Variants in ARHGAP24 observed in about 807,000 individuals in gnomAD.
The protein encoded by ARHGAP24 is rho GTPase-activating protein 24.
Under a neutral mutation model 76.4 loss-of-function variants are expected in ARHGAP24, and 50 were observed. The observed-to-expected ratio is 0.65, with a 90% CI of 0.52 to 0.83. ARHGAP24 has a LOEUF of 0.83. Ranked by LOEUF, ARHGAP24 falls within the 40% of genes least tolerant of loss-of-function variation. The pLI is 0.00. For missense variants in ARHGAP24, 930 were observed against 914.2 expected, an observed-to-expected ratio of 1.02 and a Z score of -0.22; for synonymous variants, 345 against 323.3, an observed-to-expected ratio of 1.07 and a Z score of -0.72.
At chr4:85,835,360 C>A (rs1347217429) in intron 3 of ARHGAP24, among the ~76,000 whole-genome samples, 1 of 151,590 alleles carries the variant, frequency 6.6e-6, no homozygotes, top group African/African-American at 2.4e-5. Context: ...GAGATTGAGA[C>A]CATCCTAGCT....
intron 3 of ARHGAP24, among the ~76,000 whole-genome samples, chr4:85,840,534 T>C (rs1316252528): frequency 3.3e-5 from 5 of 152,184 alleles, no homozygotes; most frequent in Middle Eastern, 3.2e-3. Flanking sequence ...CCGTATTAAT[T>C]GTTTCATATA....
intron 3 of ARHGAP24, among the ~76,000 whole-genome samples, chr4:85,745,112 C>T (rs531685015): frequency 6.6e-6 from 1 of 151,890 alleles, no homozygotes; most frequent in African/African-American, 2.4e-5. Flanking sequence ...TAAATTTGTG[C>T]CCAGGAAAAC....
chr4:85,640,400 G>T lies in ARHGAP24; in HGVS notation c.180+69679G>T, dbSNP rs148087100. ...GGTCTTCCCTATGTGGCCCCTTGTG[G>T]CATGGCATGCTCCCCATTCTGGGAT... On this transcript the variant is annotated intron_variant, in intron 2 of 9. Coordinates refer to ENST00000395184, the MANE Select transcript of ARHGAP24 (RefSeq NM_001025616.3). Among the ~76,000 whole-genome samples the T allele has an allele frequency of 2.0e-5, 3 of 152,236 alleles. No homozygotes were observed. In the East Asian group the frequency reaches 5.8e-4, roughly 29 times the overall value.
chr4:85,696,174 TA>T (rs1435338189), intron 2 of ARHGAP24, among the ~76,000 whole-genome samples: 1 of 8,424 alleles, frequency 1.2e-4, no homozygotes, highest in Non-Finnish European at 0.013. Context: ...TTTAAATTCC[TA>T]AAATTAAATT....
chr4:85,994,148 G>C (rs924378954), intron 8 of ARHGAP24, among the ~76,000 whole-genome samples: 4 of 152,076 alleles, frequency 2.6e-5, no homozygotes, highest in Non-Finnish European at 5.9e-5. Flanking sequence ...ATTATTAGAT[G>C]AGAGGTCACA....
intron 1 of ARHGAP24, among the ~76,000 whole-genome samples, chr4:85,482,622 G>A (rs1022809467): frequency 1.3e-5 from 2 of 152,128 alleles, no homozygotes; most frequent in Non-Finnish European, 2.9e-5. Flanking sequence ...AGACAGTACC[G>A]GGAACTAAAA....
intron 5 of ARHGAP24, among the ~76,000 whole-genome samples, chr4:85,962,687 T>G (rs17011277): frequency 0.044 from 6,684 of 151,734 alleles, 515 homozygotes; most frequent in African/African-American, 0.15. Context: ...ATTTAGGAAG[T>G]CATGTTCCAC....
intron 2 of ARHGAP24, among the ~76,000 whole-genome samples, chr4:85,651,474 C>G (rs936709313): frequency 6.7e-6 from 1 of 148,948 alleles, no homozygotes; most frequent in African/African-American, 2.6e-5. Flanking sequence ...AGGTTTTTCC[C>G]AAGTTTTTCC....
intron 3 of ARHGAP24, among the ~76,000 whole-genome samples, chr4:85,730,737 C>T (rs891317232): frequency 6.6e-6 from 1 of 151,548 alleles, no homozygotes; most frequent in Non-Finnish European, 1.5e-5. Context: ...CTCTAAGTAT[C>T]TCACAGAAAA....
intron 7 of ARHGAP24, among the ~76,000 whole-genome samples, chr4:85,976,784 T>C (rs1297044048): frequency 1.3e-4 from 19 of 150,490 alleles, no homozygotes; most frequent in African/African-American, 4.1e-4. Context: ...TTTCTCTTTT[T>C]TTTTTTTTTT....
chr4:85,662,876 T>C (rs1722460689), intron 2 of ARHGAP24, among the ~76,000 whole-genome samples: 1 of 152,290 alleles, frequency 6.6e-6, no homozygotes, highest in East Asian at 1.9e-4. Flanking sequence ...CATTGACCTA[T>C]ACCTCTGTTT....
chr4:85,591,552 C>T (rs1189366534), intron 2 of ARHGAP24, among the ~76,000 whole-genome samples: 1 of 152,148 alleles, frequency 6.6e-6, no homozygotes, highest in Non-Finnish European at 1.5e-5. Context: ...TTGTGTCAGA[C>T]TTAGTCATTA....
rs199784047 is a variant in ARHGAP24 at position 85,755,646 on chromosome 4, G to GTTTTTTTT, written c.268+33678_268+33679insTTTTTTTT. ...CTTTTGTTTTGTTTTGTTTTGTTTT[G>GTTTTTTTT]TTTTGAGACGGAGTCTCGTTCTGTT... On this transcript the variant is annotated intron_variant, in intron 3 of 9. Transcript: ENST00000395184. Among the ~76,000 whole-genome samples the GTTTTTTTT allele has an allele frequency of 6.2e-3, 747 of 121,090 alleles. 116 individuals are homozygous for GTTTTTTTT. Among genetic ancestry groups the GTTTTTTTT allele is most frequent in the Middle Eastern group, 0.011 (2 of 188 alleles). 79.4% of individuals were successfully genotyped at this position (121,090 alleles called of 152,430 possible).
At chr4:85,928,518 C>T (rs960027908) in intron 4 of ARHGAP24, among the ~76,000 whole-genome samples, 3 of 152,082 alleles carry the variant, frequency 2.0e-5, no homozygotes, top group South Asian at 2.1e-4. Flanking sequence ...AGTGCAATGG[C>T]GCATTCTCGG....
intron 3 of ARHGAP24, among the ~76,000 whole-genome samples, chr4:85,825,650 G>A (rs931737099): frequency 6.6e-6 from 1 of 152,136 alleles, no homozygotes; most frequent in Admixed American, 6.5e-5. Context: ...TAAAAAATAA[G>A]TATTGGCACT....
At chr4:85,869,210 G>T (rs893424325) in intron 3 of ARHGAP24, among the ~76,000 whole-genome samples, 2 of 152,042 alleles carry the variant, frequency 1.3e-5, no homozygotes, top group African/African-American at 4.8e-5. Context: ...AACAAGAAGC[G>T]CAGATGTAGA....
chr4:85,487,313 TA>T (rs1228073384), intron 1 of ARHGAP24, among the ~76,000 whole-genome samples: 1 of 120,694 alleles, frequency 8.3e-6, no homozygotes, highest in Admixed American at 1.1e-4. Flanking sequence ...TTATTATATA[TA>T]AAATATATAT....
Position 85,613,311 on chromosome 4 carries a change from C to T in ARHGAP24, c.180+42590C>T, listed in dbSNP as rs546869521. On this transcript the variant is annotated intron_variant, in intron 2 of 9. Transcript: ENST00000395184. ...TTTATCCATGTTGATTAATTTAGGA[C>T]GTACTTCGTTCATTTTAACTGCTAT... Among the ~76,000 whole-genome samples, 6 of 152,250 alleles carry T rather than the reference C, an allele frequency of 3.9e-5. No homozygotes were observed. In the South Asian group the frequency reaches 6.2e-4, roughly 16 times the overall value.
chr4:85,714,863 A>G (rs1322744530), intron 2 of ARHGAP24, among the ~76,000 whole-genome samples: 1 of 152,100 alleles, frequency 6.6e-6, no homozygotes, highest in Non-Finnish European at 1.5e-5. Context: ...ACTTCCCCAA[A>G]CTGCTTTAAT....
Sources: gnomAD v4.1 joint callset for allele counts (sites outside exome capture counted in the v4.1 genomes callset) on GRCh38, gnomAD v4.1.1 for gene constraint, MANE v1.5 for transcripts, NCBI Gene and HGNC (gene_info 2026-07-23, HGNC 2026-07-21) for gene names.